TSPAN1: variants seen among roughly 807,000 people sequenced by gnomAD.
TSPAN1 encodes tetraspanin 1, also known as tetraspanin-1.
A neutral mutation model predicts 26.9 loss-of-function variants in TSPAN1; 23 were observed. The ratio of observed to expected loss-of-function variants is 0.85; its 90% CI spans 0.62 to 1.21. The LOEUF (loss-of-function observed/expected upper bound fraction) is 1.21, where lower values mean the gene tolerates loss of function less well. TSPAN1 is among the 50% of genes most tolerant of loss of function. The pLI is 0.00. For synonymous variants in TSPAN1, 115 were observed against 114.8 expected, an observed-to-expected ratio of 1.00 and a Z score of -0.01; for missense variants, 283 against 298.4, an observed-to-expected ratio of 0.95 and a Z score of 0.38.
intron 1 of TSPAN1, among the ~76,000 whole-genome samples, chr1:46,179,886 T>A (rs1201444254): frequency 1.3e-5 from 2 of 152,108 alleles, no homozygotes; most frequent in Non-Finnish European, 1.5e-5. Flanking sequence ...TATTTGCTAC[T>A]CGCAGGAGAG....
the TSPAN1 span, chr1:46,193,379 C>G: frequency 3.1e-6 from 5 of 1,612,636 alleles, no homozygotes; most frequent in Admixed American, 8.4e-5. Flanking sequence ...GCCACCACAT[C>G]CATGGGTTCC....
chr1:46,193,051 C>A, the TSPAN1 span: 2 of 1,602,636 alleles, frequency 1.2e-6, no homozygotes, highest in Non-Finnish European at 8.5e-7. Context: ...GCAGCATTAC[C>A]CCCATTTTCC....
chr1:46,185,125 G>T lies in TSPAN1; in HGVS notation c.594+10G>T, dbSNP rs761056740. ...CGACCAAAAAGTAGAGGTGTGGGCT[G>T]GCATGAGTGGGTGGGGACTGTTTTC... On this transcript the variant is annotated intron_variant, in intron 7 of 8. Coordinates refer to ENST00000372003, the MANE Select transcript of TSPAN1 (RefSeq NM_005727.4). 6.2e-7 allele frequency: 1 copy of T among 1,614,224 alleles called. No individual in the cohort carries two copies. The highest frequency in any genetic ancestry group is 2.2e-5 in the East Asian group (1 of 44,882).
the TSPAN1 span, chr1:46,194,518 C>A: frequency 1.2e-6 from 2 of 1,614,138 alleles, no homozygotes; most frequent in Middle Eastern, 1.6e-4. Flanking sequence ...ACCCCCAGCC[C>A]AGGCCCTGCC....
chr1:46,193,461 A>T, the TSPAN1 span: 84 of 1,607,920 alleles, frequency 5.2e-5, no homozygotes, highest in Non-Finnish European at 3.3e-5. Context: ...CAAGGCCTTC[A>T]CATTTCACAG....
At chr1:46,185,450 A>C (rs746154422) in intron 8 of TSPAN1, 36 bp from the exon 9 acceptor site, 77 of 1,613,526 alleles carry the variant, frequency 4.8e-5, no homozygotes, top group Non-Finnish European at 5.8e-5. Context: ...GATCCCTATC[A>C]TGTTCCCTCA....
the TSPAN1 span, chr1:46,192,770 C>T: frequency 6.3e-7 from 1 of 1,581,078 alleles, no homozygotes; most frequent in Non-Finnish European, 8.7e-7. Flanking sequence ...CAACACCTGC[C>T]ATCCTACCTT....
the TSPAN1 span, chr1:46,192,926 G>C: frequency 6.2e-7 from 1 of 1,614,112 alleles, no homozygotes; most frequent in Non-Finnish European, 8.5e-7. Flanking sequence ...CAATGTCCAG[G>C]TCCTCTTCCA....
At chr1:46,194,144 G>C in the TSPAN1 span, 1 of 1,567,228 alleles carries the variant, frequency 6.4e-7, no homozygotes, top group Non-Finnish European at 8.7e-7. Flanking sequence ...GTCTTTCAGA[G>C]CGCAGTGTAA....
rs778779490 is a variant in TSPAN1 at position 46,185,314 on chromosome 1, C to G, written c.678+6C>G. The stretch of plus-strand genomic sequence containing the variant: ...CTGGAATTGGGGGCCTCGAGGTAAG[C>G]AGATGAGGAGGCTGGGACTGGGACA... On this transcript the variant is annotated splice_donor_region_variant and intron_variant, in intron 8 of 8. Coordinates refer to ENST00000372003, the MANE Select transcript of TSPAN1 (RefSeq NM_005727.4). 1.9e-6 allele frequency: 3 copies of G among 1,613,886 alleles called. No individual in the cohort carries two copies. Among genetic ancestry groups the G allele is most frequent in the Admixed American group, 3.3e-5 (2 of 60,024 alleles).
intron 3 of TSPAN1, among the ~76,000 whole-genome samples, chr1:46,182,316 A>AAAAAAAAAAAAAAAAAAAAC (rs1657332290): frequency 6.8e-6 from 1 of 147,322 alleles, no homozygotes; most frequent in African/African-American, 2.5e-5. Flanking sequence ...AAAAAAAAAA[A>AAAAAAAAAAAAAAAAAAAAC]AGCCACTGTG....
the TSPAN1 span, chr1:46,194,887 G>GAATCT: frequency 1.2e-6 from 2 of 1,614,028 alleles, no homozygotes; most frequent in African/African-American, 2.7e-5. Context: ...TCCAGCCCAG[G>GAATCT]GCAGGGCCAG....
At chr1:46,194,750 G>A in the TSPAN1 span, 69 of 1,613,730 alleles carry the variant, frequency 4.3e-5, no homozygotes, top group African/African-American at 8.4e-4. Context: ...ACTGCCACTG[G>A]CTCCTATTTG....
chr1:46,192,261 C>A, the TSPAN1 span: 1 of 1,614,128 alleles, frequency 6.2e-7, no homozygotes, highest in Non-Finnish European at 8.5e-7. Flanking sequence ...TAAGATGTTT[C>A]GAGTTGGTAG....
At chr1:46,183,833 T>C (rs898051463) in intron 3 of TSPAN1, 11 of 368,084 alleles carry the variant, frequency 3.0e-5, no homozygotes, top group Non-Finnish European at 5.2e-5. Context: ...TAGGCACCCA[T>C]AGCCCAGAAA....
downstream of TSPAN1, among the ~76,000 whole-genome samples, chr1:46,187,552 G>C (rs1657461106): frequency 6.6e-6 from 1 of 152,212 alleles, no homozygotes. Context: ...CTTAGAGCTG[G>C]TCTGTGAGGG....
At chr1:46,192,498 CCCTGGTCATTCCAGCCTA>C in the TSPAN1 span, 7 of 1,614,042 alleles carry the variant, frequency 4.3e-6, no homozygotes, top group Admixed American at 1.7e-5. Flanking sequence ...GCCTGCTAAA[CCCTGGTCATTCCAGCCTA>C]CCTGGTCATT....
At chr1:46,193,193 G>T in the TSPAN1 span, 1 of 1,614,106 alleles carries the variant, frequency 6.2e-7, no homozygotes, top group Non-Finnish European at 8.5e-7. Flanking sequence ...GTTGAAAGTG[G>T]CAGTGAGGCT....
chr1:46,194,217 G>C, the TSPAN1 span: 145 of 1,613,710 alleles, frequency 9.0e-5, no homozygotes, highest in African/African-American at 1.5e-3. Context: ...CATTCCTGGG[G>C]CCCCCCTGCT....
Sources: gnomAD v4.1 joint callset for allele counts (sites outside exome capture counted in the v4.1 genomes callset) on GRCh38, gnomAD v4.1.1 for gene constraint, MANE v1.5 for transcripts, NCBI Gene and HGNC (gene_info 2026-07-23, HGNC 2026-07-21) for gene names.